The following FBXO22 variants were observed in gnomAD, a reference collection of about 807,000 sequenced individuals.
FBXO22 encodes the protein F-box protein 22, also known as F-box only protein 22.
In FBXO22, 13 loss-of-function variants were observed where a neutral mutation model predicts 37.2. That is an observed-to-expected ratio of 0.35 (90% CI 0.23 to 0.56). The LOEUF is 0.56. Ranked by LOEUF, FBXO22 falls within the 20% of genes least tolerant of loss-of-function variation. The pLI, the probability that FBXO22 is intolerant of heterozygous loss-of-function variation, is 0.87. For missense variants in FBXO22, 446 were observed against 509.9 expected, an observed-to-expected ratio of 0.87 and a Z score of 1.21; for synonymous variants, 189 against 189.1, an observed-to-expected ratio of 1.00 and a Z score of 0.00.
chr15:75,905,795 A>G (rs1899917459), intron 2 of FBXO22: 1 of 152,234 alleles, frequency 6.6e-6, no homozygotes, highest in South Asian at 2.1e-4. Flanking sequence ...GCAGGAAATA[A>G]TCACAGAAGT....
intron 4 of FBXO22, among the ~76,000 whole-genome samples, chr15:75,915,593 C>G (rs936532735): frequency 6.6e-6 from 1 of 151,632 alleles, no homozygotes; most frequent in African/African-American, 2.4e-5. Flanking sequence ...TGGCAAAACC[C>G]CATCTCTACT....
At chr15:75,910,356 A>G (rs1455649290) in intron 2 of FBXO22, 2 of 152,322 alleles carry the variant, frequency 1.3e-5, no homozygotes, top group South Asian at 4.1e-4. Context: ...GTCTTCCACA[A>G]TGGTTGAACT....
chr15:75,914,027 C>T (rs1368427900), intron 3 of FBXO22, 83 bp from the exon 4 acceptor site: 5 of 907,908 alleles, frequency 5.5e-6, no homozygotes, highest in Non-Finnish European at 8.7e-6. Context: ...TAAATATTTC[C>T]AGTATTTGCT....
chr15:75,914,338 T>G, intron 4 of FBXO22, 133 bp downstream of exon 4: 1 of 634,828 alleles, frequency 1.6e-6, no homozygotes, highest in Non-Finnish European at 2.7e-6. Context: ...CAGTCATATT[T>G]ACCATGGCAT....
intron 2 of FBXO22, among the ~76,000 whole-genome samples, 197 bp downstream of exon 2, chr15:75,904,826 C>CGT (rs1899886262): frequency 7.3e-6 from 1 of 136,118 alleles, no homozygotes; most frequent in Non-Finnish European, 1.5e-5. Context: ...AATGTTGGGC[C>CGT]TTTTTTTTTT....
rs969851050 is a variant in FBXO22, at chr15:75,941,538, T to C, written c.*8436T>C. The C allele has an allele frequency of 2.4e-4, 37 of 152,184 alleles. No homozygotes were observed. The highest frequency in any genetic ancestry group is 1.0e-4 in the Non-Finnish European group (7 of 68,024). The allele number at this position is 152,184 out of a possible 1,614,324, so 9.4% of individuals were successfully genotyped here. A position where few individuals can be genotyped will look rare whatever the true frequency, so the allele number is the denominator to read the frequency against. ...AGAAACAACCCAAATACCCAACAGA[T>C]GAATGGATAGACAAAATGTGTTATA... On this transcript the variant is annotated 3_prime_UTR_variant, in exon 7 of 7. Coordinates refer to ENST00000308275, the MANE Select transcript of FBXO22 (RefSeq NM_147188.3).
At chr15:75,909,798 C>T (rs1249999088) in intron 2 of FBXO22, among the ~76,000 whole-genome samples, 2 of 142,406 alleles carry the variant, frequency 1.4e-5, no homozygotes, top group South Asian at 2.2e-4. Flanking sequence ...TAAATTTCTG[C>T]GATACATGTG....
At chr15:75,912,671 T>C (rs1900087231) in intron 2 of FBXO22, among the ~76,000 whole-genome samples, 1 of 152,224 alleles carries the variant, frequency 6.6e-6, no homozygotes, top group Non-Finnish European at 1.5e-5. Context: ...TCTTTTTTGT[T>C]AGTCTGGCTA....
chr15:75,928,628 T>C (rs1231430151), intron 5 of FBXO22, among the ~76,000 whole-genome samples: 2 of 151,964 alleles, frequency 1.3e-5, no homozygotes, highest in Non-Finnish European at 2.9e-5. Context: ...AAATAACTAA[T>C]GGAGAATGGG....
chr15:75,930,337 T>C (rs1251670568), intron 6 of FBXO22: 1 of 1,312,324 alleles, frequency 7.6e-7, no homozygotes, highest in Non-Finnish European at 9.7e-7. Context: ...TGGTACTCTG[T>C]GTGACCTCAA....
In FBXO22 at chr15:75,936,039, G is replaced by T. The variant is rs928063411; in HGVS notation, c.*2937G>T. ...CCTGACCTTGTGATCCGCCCGCCTC[G>T]GCCTCCCAAAGTGCTGGGATTACAG... is the stretch of plus-strand genomic sequence containing the variant. On this transcript the variant is annotated 3_prime_UTR_variant, in exon 7 of 7. Transcript: ENST00000308275. The T allele has an allele frequency of 6.6e-6, 1 of 152,210 alleles. No individual in the cohort carries two copies. The highest frequency in any genetic ancestry group is 6.5e-5 in the Admixed American group (1 of 15,296). 9.4% of individuals were successfully genotyped at this position (152,210 alleles called of 1,614,324 possible).
At chr15:75,918,908 CTT>C (rs1355638469) in intron 5 of FBXO22, among the ~76,000 whole-genome samples, 1 of 152,128 alleles carries the variant, frequency 6.6e-6, no homozygotes, top group East Asian at 1.9e-4. Flanking sequence ...GGAATAAGTT[CTT>C]GAGGTCTGTT....
In FBXO22 at chr15:75,929,947, G is replaced by A; in HGVS notation, c.692G>A (p.Gly231Glu). Residue 231 changes from glycine to glutamate, a missense_variant, in exon 6 of 7, where the codon GGA becomes GAA. Physicochemically the swap from Gly to Glu is moderately conservative, Grantham distance 98. This residue lies in a region of FBXO22 where 315 missense variants were observed against 410.1 expected (regional missense o/e 0.77). Coordinates refer to ENST00000308275, the MANE Select transcript of FBXO22 (RefSeq NM_147188.3). ...TTTGGTTATAATTGCTGTAAGGTGGGAGCCAGTAATTATCTGCAGCAAGTA... is the reference window on the plus strand; with the variant it reads ...TTTGGTTATAATTGCTGTAAGGTGGAAGCCAGTAATTATCTGCAGCAAGTA... ...LVFGYNCCKV[G>E]ASNYLQQVVS... is the part of the protein sequence containing the mutation. 1 of 1,614,056 alleles carries A rather than the reference G, an allele frequency of 6.2e-7. No homozygotes were observed. The highest frequency in any genetic ancestry group is 8.5e-7 in the Non-Finnish European group (1 of 1,179,958).
In FBXO22 at chr15:75,933,110, A is replaced by C; in HGVS notation, c.*8A>C. 2 of 1,581,414 alleles carry C rather than the reference A, an allele frequency of 1.3e-6. No individual in the cohort carries two copies. Among genetic ancestry groups the C allele is most frequent in the Non-Finnish European group, 1.7e-6 (2 of 1,165,668 alleles). On this transcript the variant is annotated 3_prime_UTR_variant, in exon 7 of 7. Transcript: ENST00000308275. ...CTGGGGTCATCTAAATAATAATTAA[A>C]GTGGCTTTCATAATATGTAACTTTT... is the stretch of plus-strand genomic sequence containing the variant.
At chr15:75,928,188 T>C (rs1208095516) in intron 5 of FBXO22, among the ~76,000 whole-genome samples, 6 of 152,178 alleles carry the variant, frequency 3.9e-5, no homozygotes, top group Non-Finnish European at 7.4e-5. Context: ...GAAGATAGTG[T>C]GGTGATTCCT....
rs78653469 is a variant in FBXO22, at chr15:75,922,879, G to A, written c.628+5485G>A. ...TTACTTTTGAGTTTTGATCCTAGGA[G>A]ACAAGGGTGATGGTGGTGCAGAGAC... On this transcript the variant is annotated intron_variant, in intron 5 of 6. Transcript: ENST00000308275. Among the ~76,000 whole-genome samples the A allele has an allele frequency of 4.2e-3, 639 of 152,336 alleles. 13 individuals carry two copies. The East Asian group carries it at 0.066, about 16-fold the overall frequency.
At chr15:75,908,432 C>T (rs1191247884) in intron 2 of FBXO22, among the ~76,000 whole-genome samples, 1 of 151,924 alleles carries the variant, frequency 6.6e-6, no homozygotes, top group African/African-American at 2.4e-5. Context: ...GCAGCCATAC[C>T]CGGTTACTTT....
chr15:75,907,618 A>G (rs1169878635), intron 2 of FBXO22, among the ~76,000 whole-genome samples: 1 of 152,186 alleles, frequency 6.6e-6, no homozygotes, highest in East Asian at 1.9e-4. Context: ...AAAGTCCGCC[A>G]GGCATGGTGG....
chr15:75,930,064 C>T lies in FBXO22; in HGVS notation c.794+15C>T, dbSNP rs376640099. Reference sequence around the variant, plus strand: ...ACTTCTGAAAAGTATGTCTTGTGTGCTTCTGATTTCGTCTGTGAATGAAGG... The same window carrying T: ...ACTTCTGAAAAGTATGTCTTGTGTGTTTCTGATTTCGTCTGTGAATGAAGG... On this transcript the variant is annotated intron_variant, in intron 6 of 6. Transcript: ENST00000308275. The T allele has an allele frequency of 7.6e-5, 122 of 1,613,724 alleles. No homozygotes were observed. The African/African-American group carries it at 1.4e-3, about 18-fold the overall frequency.
Sources: allele counts gnomAD v4.1 joint callset (sites outside exome capture counted in the v4.1 genomes callset), GRCh38; gene constraint gnomAD v4.1.1; regional missense constraint gnomAD v4.1.1; transcripts MANE v1.5; gene names NCBI Gene and HGNC (gene_info 2026-07-23, HGNC 2026-07-21).